Variants in GLP2R observed in about 807,000 individuals in gnomAD.
GLP2R encodes the protein glucagon like peptide 2 receptor.
GLP2R carries 59 observed loss-of-function variants against 68.2 expected under a neutral mutation model. The observed-to-expected ratio is 0.87, with a 90% CI of 0.70 to 1.07. The LOEUF (loss-of-function observed/expected upper bound fraction) is 1.07, where lower values mean the gene tolerates loss of function less well. GLP2R is among the 50% of genes least tolerant of loss of function. GLP2R has a pLI of 0.00. For synonymous variants in GLP2R, 270 were observed against 265.4 expected, an observed-to-expected ratio of 1.02 and a Z score of -0.17; for missense variants, 548 against 677.4, an observed-to-expected ratio of 0.81 and a Z score of 2.12.
intron 10 of GLP2R, among the ~76,000 whole-genome samples, chr17:9,879,319 A>G (rs1174074189): frequency 1.1e-5 from 1 of 90,746 alleles, no homozygotes; most frequent in Admixed American, 1.1e-4. Flanking sequence ...ATAAAATAAA[A>G]TAAAATAAAA....
Position 9,862,098 on chromosome 17 carries a change from C to A in GLP2R, c.1056+8C>A. On this transcript the variant is annotated splice_region_variant and intron_variant, in intron 9 of 12. Coordinates refer to ENST00000262441, the MANE Select transcript of GLP2R (RefSeq NM_004246.3). The stretch of plus-strand genomic sequence containing the variant: ...ATGATGCTCTGTGTAACAGTAAGGA[C>A]CATCCCATCCACCTCTTTGTCTCGG... 6.3e-7 allele frequency: 1 copy of A among 1,598,254 alleles called. No homozygotes were observed. The highest frequency in any genetic ancestry group is 1.1e-5 in the South Asian group (1 of 90,642).
chr17:9,852,116 C>T (rs1314912959), intron 4 of GLP2R, among the ~76,000 whole-genome samples: 1 of 148,734 alleles, frequency 6.7e-6, no homozygotes, highest in Non-Finnish European at 1.5e-5. Context: ...AGGTTTGTTA[C>T]ATAAGTATAC....
At chr17:9,863,088 G>A (rs968998657) in intron 9 of GLP2R, among the ~76,000 whole-genome samples, 4 of 152,058 alleles carry the variant, frequency 2.6e-5, no homozygotes, top group South Asian at 2.1e-4. Context: ...CGTATGCTGC[G>A]GTATCTTCCC....
At chr17:9,854,396 G>A in intron 4 of GLP2R, 99 bp from the exon 5 acceptor site, 1 of 745,084 alleles carries the variant, frequency 1.3e-6, no homozygotes, top group Non-Finnish European at 2.4e-6. Flanking sequence ...AATGTTGGGA[G>A]TCCATGCCTA....
rs184745941 is a variant in GLP2R at position 9,836,837 on chromosome 17, T to C, written c.382+362T>C. Among the ~76,000 whole-genome samples, 793 of 151,388 alleles carry C rather than the reference T, an allele frequency of 5.2e-3. 5 individuals are homozygous for C. The highest frequency in any genetic ancestry group is 0.017 in the African/African-American group (717 of 41,348). ...TGGACGATCAAGTTATTATTATTAT[T>C]ATTATTATTACTATTATATATCTAT... On this transcript the variant is annotated intron_variant, in intron 3 of 12. Transcript: ENST00000262441.
At chr17:9,843,769 C>T (rs1386947590) in intron 4 of GLP2R, among the ~76,000 whole-genome samples, 1 of 152,218 alleles carries the variant, frequency 6.6e-6, no homozygotes, top group South Asian at 2.1e-4. Context: ...GGGGATCAGA[C>T]AGATATCTAC....
At chr17:9,882,275 C>T (rs16958891) in intron 11 of GLP2R, among the ~76,000 whole-genome samples, 9,207 of 152,232 alleles carry the variant, frequency 0.06, 938 homozygotes, top group African/African-American at 0.21. Context: ...GATACAGTGG[C>T]CGTCTTGGTG....
intron 11 of GLP2R, among the ~76,000 whole-genome samples, chr17:9,885,048 T>C (rs2067230266): frequency 6.6e-6 from 1 of 152,088 alleles, no homozygotes; most frequent in South Asian, 2.1e-4. Context: ...TGAGAAAGAA[T>C]CCTAGACTAT....
chr17:9,876,839 G>A (rs561947893), intron 10 of GLP2R, among the ~76,000 whole-genome samples: 6 of 152,292 alleles, frequency 3.9e-5, no homozygotes, highest in East Asian at 1.9e-4. Flanking sequence ...ATAAGCAACC[G>A]AAAGGCAGGG....
At chr17:9,860,431 C>T (rs995568589) in intron 7 of GLP2R, among the ~76,000 whole-genome samples, 7 of 152,150 alleles carry the variant, frequency 4.6e-5, no homozygotes, top group Non-Finnish European at 8.8e-5. Flanking sequence ...AAATAACAGA[C>T]ATTGATTTCC....
intron 4 of GLP2R, among the ~76,000 whole-genome samples, chr17:9,852,283 C>T (rs2066898913): frequency 6.6e-6 from 1 of 152,032 alleles, no homozygotes; most frequent in Non-Finnish European, 1.5e-5. Flanking sequence ...CATGTGTTCT[C>T]ATTGTTTAAC....
At chr17:9,853,168 GAC>G in intron 4 of GLP2R, 1 of 421,260 alleles carries the variant, frequency 2.4e-6, no homozygotes, top group Non-Finnish European at 4.4e-6. Flanking sequence ...CCCTCAAACT[GAC>G]AATTCTTAAA....
At chr17:9,826,753 G>T (rs2066635828) in intron 1 of GLP2R, among the ~76,000 whole-genome samples, 2 of 152,062 alleles carry the variant, frequency 1.3e-5, no homozygotes, top group Non-Finnish European at 2.9e-5. Flanking sequence ...ATTCAAAGAA[G>T]TGAAATGCAA....
intron 11 of GLP2R, among the ~76,000 whole-genome samples, chr17:9,882,144 T>C (rs773665502): frequency 6.6e-6 from 1 of 152,198 alleles, no homozygotes; most frequent in Non-Finnish European, 1.5e-5. Flanking sequence ...ACTGCTTTTG[T>C]TCTCTAATCC....
intron 1 of GLP2R, among the ~76,000 whole-genome samples, chr17:9,830,143 A>G (rs1391517100): frequency 6.6e-6 from 1 of 152,194 alleles, no homozygotes; most frequent in Admixed American, 6.5e-5. Flanking sequence ...CAGCTCTCCT[A>G]GACTGACAAA....
At chr17:9,852,891 A>T in intron 4 of GLP2R, 1 of 453,330 alleles carries the variant, frequency 2.2e-6, no homozygotes, top group South Asian at 2.0e-5. Flanking sequence ...TTCCAGGGGC[A>T]GATTACTTTC....
Position 9,833,842 on chromosome 17 carries a change from G to A in GLP2R, c.225G>A (p.Lys75=), listed in dbSNP as rs1567717306. The change falls in exon 2 of 13, where the codon AAG becomes AAA. Residue 75 remains lysine (K), a synonymous_variant. Coordinates refer to ENST00000262441, the MANE Select transcript of GLP2R (RefSeq NM_004246.3). ...TGSLLEETTR[K]WAQYKQACLR... ...CCCTCCTTGAGGAAACGACTCGGAAGTGGGCTCAGTACAAACAGGCATGTC... is the reference window on the plus strand; with the variant it reads ...CCCTCCTTGAGGAAACGACTCGGAAATGGGCTCAGTACAAACAGGCATGTC... 2.5e-6 allele frequency: 4 copies of A among 1,613,698 alleles called. No individual in the cohort carries two copies. Among genetic ancestry groups the A allele is most frequent in the Admixed American group, 1.7e-5 (1 of 60,004 alleles).
chr17:9,855,134 A>C (rs1337173155), intron 5 of GLP2R, among the ~76,000 whole-genome samples: 2 of 152,228 alleles, frequency 1.3e-5, no homozygotes, highest in Non-Finnish European at 2.9e-5. Flanking sequence ...AAAAGTGTGG[A>C]TAATGGGGGA....
At chr17:9,845,308 C>A (rs975492249) in intron 4 of GLP2R, among the ~76,000 whole-genome samples, 1 of 152,150 alleles carries the variant, frequency 6.6e-6, no homozygotes, top group African/African-American at 2.4e-5. Context: ...CTTTAGCTCT[C>A]TAAAGTCATT....
Sources: allele counts gnomAD v4.1 joint callset (sites outside exome capture counted in the v4.1 genomes callset), GRCh38; gene constraint gnomAD v4.1.1; transcripts MANE v1.5; gene names NCBI Gene and HGNC (gene_info 2026-07-23, HGNC 2026-07-21).